FAM3A: variants seen among roughly 807,000 people sequenced by gnomAD.
FAM3A encodes the protein protein FAM3A.
FAM3A carries 5 observed loss-of-function variants against 18.1 expected under a neutral mutation model. That is an observed-to-expected ratio of 0.28 (90% CI 0.14 to 0.58). The LOEUF is 0.58. Ranked by LOEUF, FAM3A falls within the 20% of genes least tolerant of loss-of-function variation. FAM3A has a pLI of 0.91. For missense variants in FAM3A, 154 were observed against 216.6 expected, an observed-to-expected ratio of 0.71 and a Z score of 1.81; for synonymous variants, 108 against 90.2, an observed-to-expected ratio of 1.20 and a Z score of -1.12.
intron 4 of FAM3A, 37 bp downstream of exon 4, chrX:154,508,437 C>A: frequency 1.7e-6 from 2 of 1,194,442 alleles, no homozygotes; most frequent in Non-Finnish European, 2.3e-6. Context: ...GGATCCCCCA[C>A]TCCCTCCCTG....
In FAM3A at chrX:154,506,804, G is replaced by A. The variant is rs782563693; in HGVS notation, c.*7C>T. The A allele has an allele frequency of 2.4e-5, 29 of 1,205,697 alleles. No individual in the cohort carries two copies. In the South Asian group the frequency reaches 2.6e-4, roughly 11 times the overall value. On this transcript the variant is annotated 3_prime_UTR_variant, in exon 9 of 9. Transcript: ENST00000447601. ...CCTCCCTCGGCCCGGTCCTGGCACT[G>A]GCCGTGCTAGCTGGCCGTGCTTCTC...
rs781813663 is a variant in FAM3A, at chrX:154,508,529, C to T, written c.220G>A (p.Val74Met). 1.4e-4 allele frequency: 165 copies of T among 1,204,707 alleles called. 1 individual carries two copies. The highest frequency in any genetic ancestry group is 1.8e-4 in the Non-Finnish European group (157 of 892,122). ...ATGACGTTGGCGGCCCCGCTGACCA[C>T]GCGGAAGGCCAGGTGCTCCTCAGGA... ...PCPEEHLAFR[V>M]VSGAANVIGP... is the part of the protein sequence containing the mutation. Residue 74 changes from valine (V) to methionine (M), a missense_variant, in exon 4 of 9, where the codon GTG becomes ATG. Around this residue, in one of 3 missense-constraint regions of FAM3A, gnomAD observed 112 missense variants for 160.0 expected, o/e 0.70. Coordinates refer to ENST00000447601, the MANE Select transcript of FAM3A (RefSeq NM_021806.4).
rs782735211 is a variant in FAM3A at position 154,506,783 on chromosome X, C to T, written c.*28G>A. ...CGCGTGCCTCCCTTGGTCTGGCCTC[C>T]CTCGGCCCGGTCCTGGCACTGGCCG... is the stretch of plus-strand genomic sequence containing the variant. On this transcript the variant is annotated 3_prime_UTR_variant, in exon 9 of 9. Transcript: ENST00000447601. 1 of 1,186,036 alleles carries T rather than the reference C, an allele frequency of 8.4e-7. No homozygotes were observed. Among genetic ancestry groups the T allele is most frequent in the Non-Finnish European group, 1.1e-6 (1 of 873,112 alleles).
chrX:154,507,381 G>C (rs1557219420), intron 7 of FAM3A, 25 bp downstream of exon 7: 19 of 1,210,138 alleles, frequency 1.6e-5, no homozygotes, highest in East Asian at 8.9e-5. Flanking sequence ...GGGCAAGGCT[G>C]AGGCTGGCCT....
intron 4 of FAM3A, 48 bp from the exon 5 acceptor site, chrX:154,508,395 TCTG>T (rs781896738): frequency 9.5e-6 from 11 of 1,158,294 alleles, no homozygotes; most frequent in Admixed American, 4.8e-5. Flanking sequence ...CATGGGCACG[TCTG>T]CTCCACTCTC....
intron 3 of FAM3A, 83 bp from the exon 4 acceptor site, chrX:154,508,680 A>G (rs1569555749): frequency 6.5e-6 from 7 of 1,078,122 alleles, no homozygotes; most frequent in Non-Finnish European, 6.3e-6. Context: ...ACCAGCACAC[A>G]TGGTAGAACA....
At position 154,506,692 on chromosome X, in the gene FAM3A, T is replaced by C. The variant is rs961513202; in HGVS notation, c.*119A>G. On this transcript the variant is annotated 3_prime_UTR_variant, in exon 9 of 9. Coordinates refer to ENST00000447601, the MANE Select transcript of FAM3A (RefSeq NM_021806.4). ...TCACTGCCTCGGAGCCCCGATGTGT[T>C]GGGGCCAGGGAGCGCTCCTGCCCGG... The C allele has an allele frequency of 1.2e-4, 64 of 544,320 alleles. No homozygotes were observed. In the African/African-American group the frequency reaches 1.4e-3, roughly 12 times the overall value. The allele number at this position is 544,320 out of a possible 1,213,427, so 44.9% of individuals were successfully genotyped here.
At chrX:154,507,737 G>A in intron 6 of FAM3A, 74 bp downstream of exon 6, 1 of 994,551 alleles carries the variant, frequency 1.0e-6, no homozygotes, top group Non-Finnish European at 1.4e-6. Context: ...CAGACAGAGA[G>A]AGCAGTGTCT....
chrX:154,509,839 A>G (rs782777054), intron 3 of FAM3A: 11 of 112,445 alleles, frequency 9.8e-5, no homozygotes, highest in Non-Finnish European at 1.9e-4. Context: ...ATACCAATAC[A>G]TTGACAAATT....
intron 2 of FAM3A, among the ~76,000 whole-genome samples, 200 bp downstream of exon 2, chrX:154,512,623 T>C (rs1307915667): frequency 9.0e-6 from 1 of 111,391 alleles, no homozygotes; most frequent in African/African-American, 3.3e-5. Flanking sequence ...TGATCAGGTA[T>C]TGGCTTTCCT....
At chrX:154,513,305 T>C (rs1220924119) in intron 1 of FAM3A, among the ~76,000 whole-genome samples, 2 of 111,521 alleles carry the variant, frequency 1.8e-5, no homozygotes, top group African/African-American at 6.5e-5. Flanking sequence ...GCTTTCCTCC[T>C]GTTCTGAGGG....
chrX:154,512,365 G>T, intron 2 of FAM3A: 1 of 253,260 alleles, frequency 3.9e-6, no homozygotes, highest in Non-Finnish European at 7.2e-6. Context: ...CTTGAACCCA[G>T]GAGGTAGAGG....
At chrX:154,511,948 C>T (rs782245221) in intron 2 of FAM3A, 77 bp from the exon 3 acceptor site, 6 of 975,473 alleles carry the variant, frequency 6.2e-6, no homozygotes, top group South Asian at 6.0e-5. Flanking sequence ...CTCCTTACAC[C>T]GCGAAGTGTA....
chrX:154,512,708 T>C (rs1557223540), intron 2 of FAM3A, 115 bp downstream of exon 2: 1 of 514,988 alleles, frequency 1.9e-6, no homozygotes, highest in Non-Finnish European at 3.4e-6. Context: ...AAAGGTAGCC[T>C]GCCAGGGAGG....
intron 1 of FAM3A, among the ~76,000 whole-genome samples, chrX:154,514,384 C>T (rs782251390): frequency 2.1e-3 from 234 of 110,318 alleles, no homozygotes; most frequent in African/African-American, 7.3e-3. Context: ...GCTGGGATTA[C>T]AGGCGCGCAC....
chrX:154,507,519 G>T (rs1402628202), intron 6 of FAM3A, 29 bp from the exon 7 acceptor site: 2 of 1,176,213 alleles, frequency 1.7e-6, no homozygotes. Context: ...CGGAACAGGG[G>T]TCATCAGGCA....
intron 1 of FAM3A, among the ~76,000 whole-genome samples, chrX:154,514,388 C>T (rs782393055): frequency 3.6e-5 from 4 of 109,905 alleles, no homozygotes; most frequent in African/African-American, 6.6e-5. Context: ...GGATTACAGG[C>T]GCGCACCACC....
rs2070174362 is a variant in FAM3A at position 154,515,982 on chromosome X, G to T, written c.-210C>A. The stretch of plus-strand genomic sequence containing the variant: ...GGGAAACCCTGCCTGGCCAGGAGGG[G>T]CCTCAGGAACCCGTTGGCTCACGAT... On this transcript the variant is annotated 5_prime_UTR_variant, in exon 1 of 9. Coordinates refer to ENST00000447601, the MANE Select transcript of FAM3A (RefSeq NM_021806.4). 1 of 438,592 alleles carries T rather than the reference G, an allele frequency of 2.3e-6. No individual in the cohort carries two copies. The highest frequency in any genetic ancestry group is 3.8e-5 in the East Asian group (1 of 26,428). The allele number at this position is 438,592 out of a possible 1,213,427, so 36.1% of individuals were successfully genotyped here. A position where few individuals can be genotyped will look rare whatever the true frequency, so the allele number is the denominator to read the frequency against.
At chrX:154,512,347 T>A in intron 2 of FAM3A, 1 of 255,636 alleles carries the variant, frequency 3.9e-6, no homozygotes, top group Non-Finnish European at 7.1e-6. Context: ...GCTGGGGCAC[T>A]AGAATCGCTT....
Sources: allele counts gnomAD v4.1 joint callset (sites outside exome capture counted in the v4.1 genomes callset), GRCh38; gene constraint gnomAD v4.1.1; regional missense constraint gnomAD v4.1.1; transcripts MANE v1.5; gene names NCBI Gene and HGNC (gene_info 2026-07-23, HGNC 2026-07-21).